Variants in LPP observed in about 807,000 individuals in gnomAD.
LPP encodes the protein lipoma-preferred partner.
LPP carries 38 observed loss-of-function variants against 60.4 expected under a neutral mutation model. The ratio of observed to expected loss-of-function variants is 0.63; its 90% confidence interval spans 0.49 to 0.83. The LOEUF is 0.83. LPP is among the 40% of genes least tolerant of loss of function. LPP has a pLI of 0.00. For missense variants in LPP, 902 were observed against 783.6 expected (o/e 1.15, Z -1.80); for synonymous variants, 328 against 290.8 (o/e 1.13, Z -1.30).
chr3:188,220,281 CTCATG>C (rs10573275), intron 1 of LPP, among the ~76,000 whole-genome samples: 103,844 of 151,192 alleles, frequency 0.69, 37,176 homozygotes, highest in African/African-American at 0.9. Context: ...ATGACATCAC[CTCATG>C]TCATGTCACC....
chr3:188,297,138 A>G (rs147132517), intron 2 of LPP, among the ~76,000 whole-genome samples: 131 of 152,338 alleles, frequency 8.6e-4, no homozygotes, highest in African/African-American at 3.0e-3. Context: ...ATGTCATTCG[A>G]TCTATAATTC....
At chr3:188,845,041 T>A (rs1761064318) in intron 9 of LPP, among the ~76,000 whole-genome samples, 1 of 152,192 alleles carries the variant, frequency 6.6e-6, no homozygotes. Context: ...ACTCTAACTT[T>A]GAAACTTCCA....
chr3:188,520,369 A>C (rs1015030291), intron 5 of LPP, among the ~76,000 whole-genome samples: 8 of 152,260 alleles, frequency 5.3e-5, no homozygotes, highest in Admixed American at 4.6e-4. Flanking sequence ...CTTGGCTTCA[A>C]CTGCAACACC....
chr3:188,566,841 C>G (rs76911551), intron 6 of LPP, among the ~76,000 whole-genome samples: 13 of 151,426 alleles, frequency 8.6e-5, no homozygotes, highest in African/African-American at 3.2e-4. Context: ...GTAAGGAGAT[C>G]GAAAAACAAA....
chr3:188,330,821 AAGTC>A (rs1296007906), intron 2 of LPP, among the ~76,000 whole-genome samples: 101 of 148,346 alleles, frequency 6.8e-4, no homozygotes, highest in African/African-American at 2.1e-3. Flanking sequence ...GCCTCAGAAT[AAGTC>A]AGTCAGTCAG....
chr3:188,722,765 T>G (rs1716954521), intron 8 of LPP, among the ~76,000 whole-genome samples: 1 of 152,204 alleles, frequency 6.6e-6, no homozygotes, highest in African/African-American at 2.4e-5. Flanking sequence ...TATGTGCATA[T>G]TGTGGGAATC....
At chr3:188,753,665 A>C (rs563864324) in intron 8 of LPP, among the ~76,000 whole-genome samples, 1 of 150,054 alleles carries the variant, frequency 6.7e-6, no homozygotes, top group East Asian at 2.0e-4. Context: ...TTTTTGGACT[A>C]AGATGTTAAA....
At chr3:188,720,367 T>G (rs530379079) in intron 8 of LPP, among the ~76,000 whole-genome samples, 1 of 152,246 alleles carries the variant, frequency 6.6e-6, no homozygotes, top group South Asian at 2.1e-4. Context: ...GCCAAGGGCT[T>G]TGATAGAGAA....
intron 2 of LPP, among the ~76,000 whole-genome samples, chr3:188,237,015 T>G (rs981218636): frequency 2.0e-5 from 3 of 152,128 alleles, no homozygotes; most frequent in African/African-American, 4.8e-5. Flanking sequence ...AAAATTGGAG[T>G]CAGGCCTCTC....
chr3:188,676,166 C>A (rs1218941698), intron 7 of LPP, among the ~76,000 whole-genome samples: 2 of 152,086 alleles, frequency 1.3e-5, no homozygotes, highest in Admixed American at 6.5e-5. Context: ...CTGGTGGAAT[C>A]GAATTCTTGA....
chr3:188,687,837 C>T (rs997048218), intron 7 of LPP, among the ~76,000 whole-genome samples: 14 of 147,710 alleles, frequency 9.5e-5, no homozygotes, highest in East Asian at 5.9e-4. Flanking sequence ...TGCAGTGGCA[C>T]GATCTCGGCT....
intron 3 of LPP, among the ~76,000 whole-genome samples, chr3:188,361,241 T>G (rs1769213813): frequency 6.6e-6 from 1 of 152,222 alleles, no homozygotes; most frequent in Non-Finnish European, 1.5e-5. Flanking sequence ...TGAATATTAC[T>G]TTCATATTCT....
chr3:188,405,917 C>T (rs1313967475), intron 3 of LPP, among the ~76,000 whole-genome samples, 195 bp from the exon 4 acceptor site: 1 of 151,840 alleles, frequency 6.6e-6, no homozygotes, highest in Non-Finnish European at 1.5e-5. Context: ...TCTCCTTCCT[C>T]CTTTTCCTCC....
intron 3 of LPP, among the ~76,000 whole-genome samples, chr3:188,354,634 AC>A (rs1766969056): frequency 6.6e-6 from 1 of 152,162 alleles, no homozygotes; most frequent in Non-Finnish European, 1.5e-5. Flanking sequence ...TTAGATGGAA[AC>A]CAAACACTAT....
chr3:188,497,073 TAA>T (rs1206839467), intron 5 of LPP, among the ~76,000 whole-genome samples: 1 of 151,962 alleles, frequency 6.6e-6, no homozygotes, highest in African/African-American at 2.4e-5. Flanking sequence ...ATAAGAAATA[TAA>T]GTTTTGTGGT....
intron 6 of LPP, chr3:188,568,782 A>G (rs984083522): frequency 1.3e-5 from 2 of 152,022 alleles, no homozygotes; most frequent in African/African-American, 4.8e-5. Flanking sequence ...TCTGGAAGAG[A>G]AAAGAAAATA....
At chr3:188,507,641 G>C (rs1019377126) in intron 5 of LPP, among the ~76,000 whole-genome samples, 2 of 152,118 alleles carry the variant, frequency 1.3e-5, no homozygotes, top group African/African-American at 4.8e-5. Context: ...TGTATAGCAA[G>C]ATAAGCTGTG....
rs767166035 is a variant in LPP, at chr3:188,609,584, C to T, written c.853C>T (p.Pro285Ser). Residue 285 changes from proline (P) to serine (S), a missense_variant, in exon 7 of 12, where the codon CCT becomes TCT. Pro to Ser is a moderately conservative substitution (Grantham distance 74). Coordinates refer to ENST00000617246, the MANE Select transcript of LPP (RefSeq NM_001375462.1). This position sits in a 1 kb window ranked among gnomAD's most constrained non-coding sequence, Gnocchi z 6.9. ...TCCACCACCAGGACTTCAGCCGGAG[C>T]CTGGGTATGGGTATGCCCCCAACCA... ...YIPPPGLQPE[P>S]GYGYAPNQGR... 2 of 1,614,136 alleles carry T rather than the reference C, an allele frequency of 1.2e-6. No homozygotes were observed. The highest frequency in any genetic ancestry group is 1.7e-6 in the Non-Finnish European group (2 of 1,180,022).
chr3:188,528,150 G>A (rs1821158904), intron 6 of LPP, among the ~76,000 whole-genome samples: 1 of 152,012 alleles, frequency 6.6e-6, no homozygotes, highest in African/African-American at 2.4e-5. Context: ...GGCCTTCCAG[G>A]TCATTTAGCC....
Sources: allele counts gnomAD v4.1 joint callset (sites outside exome capture counted in the v4.1 genomes callset), GRCh38; gene constraint gnomAD v4.1.1; non-coding constraint Gnocchi (gnomAD v3.1); transcripts MANE v1.5; gene names NCBI Gene and HGNC (gene_info 2026-07-23, HGNC 2026-07-21).